Variants in GALNT14 observed in about 807,000 individuals in gnomAD.
GALNT14 encodes polypeptide N-acetylgalactosaminyltransferase 14, also known as UDP-GalNAc:polypeptide N-acetylgalactosaminyltransferase 14.
Under a neutral mutation model 77.5 loss-of-function variants are expected in GALNT14, and 60 were observed. The observed-to-expected ratio is 0.77, with a 90% CI of 0.63 to 0.96. GALNT14 has a LOEUF of 0.96. Ranked by LOEUF, GALNT14 falls within the 40% of genes least tolerant of loss-of-function variation. The pLI, the probability that GALNT14 is intolerant of heterozygous loss-of-function variation, is 0.00. For missense variants in GALNT14, 710 were observed against 731.0 expected, an observed-to-expected ratio of 0.97 and a Z score of 0.33; for synonymous variants, 280 against 281.7, an observed-to-expected ratio of 0.99 and a Z score of 0.06.
chr2:31,009,186 G>C, intron 1 of GALNT14, among the ~76,000 whole-genome samples: 1 of 152,182 alleles, frequency 6.6e-6, no homozygotes, highest in East Asian at 1.9e-4. Flanking sequence ...AGAACAAATG[G>C]AGGAGGCAGA....
chr2:31,075,759 T>C (rs921010996), intron 1 of GALNT14, among the ~76,000 whole-genome samples: 13 of 152,226 alleles, frequency 8.5e-5, no homozygotes, highest in African/African-American at 2.9e-4. Context: ...AATAACATGA[T>C]TTCACTTTGA....
At position 30,910,720 on chromosome 2, in the gene GALNT14, T is replaced by G; in HGVS notation, c.*181A>C. 1 of 592,220 alleles carries G rather than the reference T, an allele frequency of 1.7e-6. No individual in the cohort carries two copies. Among genetic ancestry groups the G allele is most frequent in the Non-Finnish European group, 2.9e-6 (1 of 345,300 alleles). The allele number at this position is 592,220 out of a possible 1,614,324, so 36.7% of individuals were successfully genotyped here. A position where few individuals can be genotyped will look rare whatever the true frequency, so the allele number is the denominator to read the frequency against. ...TGTGGGATTTGTCTTTGAGCCCCATTGGCTTGTGATGTTTTCCTCTGTCCT... is the reference window on the plus strand; with the variant it reads ...TGTGGGATTTGTCTTTGAGCCCCATGGGCTTGTGATGTTTTCCTCTGTCCT... On this transcript the variant is annotated 3_prime_UTR_variant, in exon 15 of 15. Coordinates refer to ENST00000349752, the MANE Select transcript of GALNT14 (RefSeq NM_024572.4).
chr2:30,997,977 C>T (rs1670142951), intron 1 of GALNT14, among the ~76,000 whole-genome samples: 1 of 152,182 alleles, frequency 6.6e-6, no homozygotes, highest in Non-Finnish European at 1.5e-5. Context: ...CTCTCTACTT[C>T]TCTGAGTTTG....
intron 1 of GALNT14, among the ~76,000 whole-genome samples, chr2:31,130,728 G>A (rs1678933010): frequency 7.0e-6 from 1 of 143,026 alleles, no homozygotes; most frequent in Non-Finnish European, 1.5e-5. Context: ...ATTCCCCAGG[G>A]TACCTCTGTG....
intron 9 of GALNT14, among the ~76,000 whole-genome samples, chr2:30,933,723 G>A (rs1665886025): frequency 6.6e-6 from 1 of 152,212 alleles, no homozygotes; most frequent in South Asian, 2.1e-4. Flanking sequence ...AAGGAAACAG[G>A]AAGAATTTAG....
At chr2:30,997,294 G>A (rs1247124063) in intron 1 of GALNT14, among the ~76,000 whole-genome samples, 1 of 152,208 alleles carries the variant, frequency 6.6e-6, no homozygotes, top group East Asian at 1.9e-4. Flanking sequence ...TGCCACAGGA[G>A]GGCACAGTGT....
chr2:30,949,930 T>C (rs976390620), intron 6 of GALNT14, among the ~76,000 whole-genome samples: 4 of 152,084 alleles, frequency 2.6e-5, no homozygotes, highest in African/African-American at 7.2e-5. Context: ...GGAGGTGACA[T>C]TGTGGGGAAA....
chr2:31,076,142 G>A (rs1364173880), intron 1 of GALNT14, among the ~76,000 whole-genome samples: 3 of 152,184 alleles, frequency 2.0e-5, no homozygotes, highest in African/African-American at 7.2e-5. Context: ...GTAGGAAGGA[G>A]GCCAGGACAT....
At chr2:30,985,213 G>T (rs574642052) in intron 2 of GALNT14, among the ~76,000 whole-genome samples, 2 of 152,282 alleles carry the variant, frequency 1.3e-5, no homozygotes, top group South Asian at 2.1e-4. Flanking sequence ...GAATTCACTA[G>T]GAAACAAGGT....
At chr2:30,982,493 A>G (rs773608656) in intron 2 of GALNT14, among the ~76,000 whole-genome samples, 4 of 152,234 alleles carry the variant, frequency 2.6e-5, no homozygotes, top group Non-Finnish European at 5.9e-5. Context: ...GAGAATAAAC[A>G]AACTGTGTCT....
chr2:30,954,880 C>G (rs1200368340), intron 6 of GALNT14, among the ~76,000 whole-genome samples: 1 of 152,184 alleles, frequency 6.6e-6, no homozygotes, highest in Non-Finnish European at 1.5e-5. Flanking sequence ...TACCTGACCT[C>G]CTACTTCACA....
In GALNT14 at chr2:31,008,565, T is replaced by TCA. The variant is rs1273384328; in HGVS notation, c.130-15559_130-15558insTG. Among the ~76,000 whole-genome samples, 93 of 152,248 alleles carry TCA rather than the reference T, an allele frequency of 6.1e-4. No homozygotes were observed. The Middle Eastern group carries it at 0.01, about 17-fold the overall frequency. On this transcript the variant is annotated intron_variant, in intron 1 of 14. Coordinates refer to ENST00000349752, the MANE Select transcript of GALNT14 (RefSeq NM_024572.4). ...GTCTCCAGTCCTGTCAAAGAGTCAC[T>TCA]CTCAGCACATTAAGCATTAAGGCTT...
At chr2:31,048,280 T>C (rs1006858055) in intron 1 of GALNT14, among the ~76,000 whole-genome samples, 1 of 152,202 alleles carries the variant, frequency 6.6e-6, no homozygotes, top group African/African-American at 2.4e-5. Context: ...TTTGCTTACT[T>C]TCTGTTAGGA....
intron 2 of GALNT14, among the ~76,000 whole-genome samples, chr2:30,968,936 G>A (rs1415181889): frequency 6.6e-6 from 1 of 152,198 alleles, no homozygotes; most frequent in Non-Finnish European, 1.5e-5. Flanking sequence ...TTGCTCGTAG[G>A]TAGTTGAGGT....
At chr2:30,951,044 C>G (rs1464681925) in intron 6 of GALNT14, among the ~76,000 whole-genome samples, 1 of 152,134 alleles carries the variant, frequency 6.6e-6, no homozygotes, top group Non-Finnish European at 1.5e-5. Flanking sequence ...ACCATATGAG[C>G]CAGCAGCAAT....
chr2:30,977,643 GAACT>G (rs1337332513), intron 2 of GALNT14, among the ~76,000 whole-genome samples: 1 of 152,100 alleles, frequency 6.6e-6, no homozygotes, highest in Non-Finnish European at 1.5e-5. Flanking sequence ...TGCAGCCAAG[GAACT>G]CCAGGAATGT....
intron 1 of GALNT14, among the ~76,000 whole-genome samples, chr2:31,076,787 G>A (rs551457734): frequency 1.3e-5 from 2 of 152,136 alleles, no homozygotes; most frequent in East Asian, 3.9e-4. Flanking sequence ...CACCCAAACT[G>A]GAACACTTTT....
chr2:31,121,214 A>T (rs925496029), intron 1 of GALNT14, among the ~76,000 whole-genome samples: 1 of 152,216 alleles, frequency 6.6e-6, no homozygotes, highest in Admixed American at 6.5e-5. Flanking sequence ...ATCTGTAAGG[A>T]ATCTAGACAG....
In GALNT14 at chr2:31,138,191, G is replaced by C. The variant is rs1030921794; in HGVS notation, c.-105C>G. On this transcript the variant is annotated 5_prime_UTR_variant, in exon 1 of 15. Coordinates refer to ENST00000349752, the MANE Select transcript of GALNT14 (RefSeq NM_024572.4). ...CCTGGCGAGCGCCTCGCTCTGGGGA[G>C]CTCTAGACCCAGGATCCGGTTGGAG... 5.2e-5 allele frequency: 75 copies of C among 1,429,340 alleles called. No individual in the cohort carries two copies. In the Admixed American group the frequency reaches 5.5e-4, roughly 10 times the overall value. The allele number at this position is 1,429,340 out of a possible 1,614,324, so 88.5% of individuals were successfully genotyped here. A position where few individuals can be genotyped will look rare whatever the true frequency, so the allele number is the denominator to read the frequency against.
Sources: allele counts gnomAD v4.1 joint callset (sites outside exome capture counted in the v4.1 genomes callset), GRCh38; gene constraint gnomAD v4.1.1; transcripts MANE v1.5; gene names NCBI Gene and HGNC (gene_info 2026-07-23, HGNC 2026-07-21).